The following CSMD1 variants were observed in gnomAD, a reference collection of about 807,000 sequenced individuals.
CSMD1 encodes the protein CUB and sushi domain-containing protein 1.
In CSMD1, 213 loss-of-function variants were observed where a neutral mutation model predicts 417.5. The observed-to-expected ratio is 0.51, with a 90% CI of 0.46 to 0.57. The LOEUF (loss-of-function observed/expected upper bound fraction) is 0.57. Ranked by LOEUF, CSMD1 falls within the 20% of genes least tolerant of loss-of-function variation. CSMD1 has a pLI of 0.00. For missense variants in CSMD1, 6,923 were observed against 4,529.7 expected, an observed-to-expected ratio of 1.53 and a Z score of -15.17; for synonymous variants, 2,862 against 1,736.8, an observed-to-expected ratio of 1.65 and a Z score of -16.11.
intron 52 of CSMD1, among the ~76,000 whole-genome samples, chr8:3,013,447 A>T (rs1808573702): frequency 6.6e-6 from 1 of 152,192 alleles, no homozygotes; most frequent in Non-Finnish European, 1.5e-5. Flanking sequence ...TCTCTCTGTC[A>T]GAGTAATATC....
At chr8:3,052,161 T>C (rs1206824119) in intron 50 of CSMD1, among the ~76,000 whole-genome samples, 1 of 152,208 alleles carries the variant, frequency 6.6e-6, no homozygotes, top group Non-Finnish European at 1.5e-5. Context: ...CAATTTCCTC[T>C]AGATTTCATC....
intron 3 of CSMD1, among the ~76,000 whole-genome samples, chr8:4,045,159 C>A (rs561982735): frequency 6.6e-6 from 1 of 152,132 alleles, no homozygotes; most frequent in Non-Finnish European, 1.5e-5. Context: ...GCCACGCAGT[C>A]GTGGGCTGGG....
chr8:4,436,501 C>A, intron 2 of CSMD1, among the ~76,000 whole-genome samples: 1 of 152,176 alleles, frequency 6.6e-6, no homozygotes, highest in Middle Eastern at 3.4e-3. Context: ...AGGGGTATCT[C>A]TCCTCTCAAA....
At chr8:3,005,406 T>C (rs976654635) in intron 52 of CSMD1, among the ~76,000 whole-genome samples, 3 of 152,180 alleles carry the variant, frequency 2.0e-5, no homozygotes, top group Admixed American at 6.5e-5. Flanking sequence ...GACGGAATCC[T>C]CCCTAACTCA....
intron 5 of CSMD1, among the ~76,000 whole-genome samples, chr8:3,806,207 G>C (rs780860417): frequency 5.9e-5 from 9 of 152,056 alleles, no homozygotes; most frequent in Non-Finnish European, 7.4e-5. Flanking sequence ...AGAGTGCTTT[G>C]GATTTTTCTT....
At chr8:4,913,655 T>C (rs1220854367) in intron 1 of CSMD1, among the ~76,000 whole-genome samples, 1 of 152,176 alleles carries the variant, frequency 6.6e-6, no homozygotes, top group Non-Finnish European at 1.5e-5. Flanking sequence ...GTCAACCAGA[T>C]GTACTGTGCA....
intron 3 of CSMD1, among the ~76,000 whole-genome samples, chr8:4,086,207 G>T: frequency 6.6e-6 from 1 of 151,950 alleles, no homozygotes; most frequent in Non-Finnish European, 1.5e-5. Context: ...CAGCTACAAA[G>T]TATCACATCA....
chr8:3,674,199 T>G (rs1799245346), intron 7 of CSMD1, among the ~76,000 whole-genome samples: 1 of 152,198 alleles, frequency 6.6e-6, no homozygotes, highest in Non-Finnish European at 1.5e-5. Flanking sequence ...GACCCTGAGT[T>G]GTCTCTAGAA....
At chr8:4,298,396 A>C (rs1313654566) in intron 3 of CSMD1, among the ~76,000 whole-genome samples, 2 of 152,250 alleles carry the variant, frequency 1.3e-5, no homozygotes, top group African/African-American at 2.4e-5. Flanking sequence ...TTTGAATCCA[A>C]GAATACCATA....
At chr8:4,656,586 A>C (rs933592025) in intron 1 of CSMD1, among the ~76,000 whole-genome samples, 1 of 151,592 alleles carries the variant, frequency 6.6e-6, no homozygotes, top group Non-Finnish European at 1.5e-5. Context: ...TGTGAATAGA[A>C]AATTAGTTGA....
intron 3 of CSMD1, among the ~76,000 whole-genome samples, chr8:4,041,113 T>C (rs1300331252): frequency 1.4e-5 from 2 of 146,196 alleles, no homozygotes; most frequent in Non-Finnish European, 3.0e-5. Context: ...GCCTCCCGGG[T>C]TCCCGCCATT....
chr8:4,169,707 T>TG (rs1214121369), intron 3 of CSMD1, among the ~76,000 whole-genome samples: 8 of 152,118 alleles, frequency 5.3e-5, no homozygotes, highest in Non-Finnish European at 1.2e-4. Flanking sequence ...TGTGCATGGC[T>TG]TGCTCCCTAC....
At position 3,087,364 on chromosome 8, in the gene CSMD1, T is replaced by C. The variant is rs1814615642; in HGVS notation, c.7286-79A>G. On this transcript the variant is annotated intron_variant, in intron 48 of 69. Transcript: ENST00000635120. The stretch of plus-strand genomic sequence containing the variant: ...GTGCCATTGCCTTTGTGAGAGTCTA[T>C]AAATGAATGGCTTCTCATTTCCAAA... 3.4e-5 allele frequency: 47 copies of C among 1,393,012 alleles called. 2 individuals carry two copies. The South Asian group carries it at 5.2e-4, about 15-fold the overall frequency. The allele number at this position is 1,393,012 out of a possible 1,614,324, so 86.3% of individuals were successfully genotyped here.
intron 2 of CSMD1, among the ~76,000 whole-genome samples, chr8:4,598,777 T>A (rs1167130967): frequency 1.3e-5 from 2 of 152,064 alleles, no homozygotes; most frequent in Non-Finnish European, 2.9e-5. Context: ...AGGTGGAAAA[T>A]TTTTTTCAAT....
intron 1 of CSMD1, among the ~76,000 whole-genome samples, chr8:4,754,398 C>A (rs1486227955): frequency 6.6e-6 from 1 of 151,888 alleles, no homozygotes; most frequent in Non-Finnish European, 1.5e-5. Context: ...TCTGTAGTGT[C>A]ATATCCCAAC....
intron 26 of CSMD1, among the ~76,000 whole-genome samples, chr8:3,263,797 A>G (rs1053463873): frequency 1.3e-5 from 2 of 152,210 alleles, no homozygotes; most frequent in African/African-American, 4.8e-5. Context: ...CTCTGACACA[A>G]AGACACTAAT....
At chr8:4,055,268 C>G (rs1453005849) in intron 3 of CSMD1, among the ~76,000 whole-genome samples, 1 of 152,090 alleles carries the variant, frequency 6.6e-6, no homozygotes, top group East Asian at 1.9e-4. Context: ...TCAGGTTAAA[C>G]AATTTTTGTA....
Position 4,881,533 on chromosome 8 carries a change from G to GTT in CSMD1, c.85+112797_85+112798dup, listed in dbSNP as rs67009139. ...CTTCCAGGTCAGAAACTCGAAGTTA[G>GTT]TTTTTTTTTTTTTTTTTTATCTCAT... is the stretch of plus-strand genomic sequence containing the variant. On this transcript the variant is annotated intron_variant, in intron 1 of 69. Coordinates refer to ENST00000635120, the MANE Select transcript of CSMD1 (RefSeq NM_033225.6). 8.7e-3 allele frequency among the ~76,000 whole-genome samples: 1,144 copies of GTT among 132,118 alleles called. 4 individuals carry two copies. The highest frequency in any genetic ancestry group is 0.012 in the Non-Finnish European group (754 of 61,478). The allele number at this position is 132,118 out of a possible 152,430, so 86.7% of individuals were successfully genotyped here.
chr8:3,858,355 A>G (rs928464836), intron 5 of CSMD1, among the ~76,000 whole-genome samples: 1 of 152,180 alleles, frequency 6.6e-6, no homozygotes, highest in African/African-American at 2.4e-5. Context: ...AAAATATTTC[A>G]TGCTTGACCT....
Sources: gnomAD v4.1 joint callset for allele counts (sites outside exome capture counted in the v4.1 genomes callset) on GRCh38, gnomAD v4.1.1 for gene constraint, MANE v1.5 for transcripts, NCBI Gene and HGNC (gene_info 2026-07-23, HGNC 2026-07-21) for gene names.